Variants in TENM2 observed in about 807,000 individuals in gnomAD.
The protein encoded by TENM2 is teneurin transmembrane protein 2, also known as teneurin-2.
In TENM2, 52 loss-of-function variants were observed where a neutral mutation model predicts 245.2. The observed-to-expected ratio is 0.21, with a 90% confidence interval of 0.17 to 0.27. TENM2 has a LOEUF of 0.27. TENM2 is among the 10% of genes least tolerant of loss of function. The probability of loss-of-function intolerance (pLI) is 1.00; values close to 1 mark genes in which losing one functional copy is unlikely to be tolerated. For missense variants in TENM2, 3,046 were observed against 3,666.8 expected (o/e 0.83, Z 4.37); for synonymous variants, 1,363 against 1,438.9 (o/e 0.95, Z 1.19).
At chr5:167,479,979 A>T (rs1346439145) in intron 2 of TENM2, among the ~76,000 whole-genome samples, 1 of 152,204 alleles carries the variant, frequency 6.6e-6, no homozygotes, top group Non-Finnish European at 1.5e-5. Context: ...CCCGTCTGGG[A>T]ATGGTCCAGG....
chr5:167,065,163 G>T, the TENM2 span, among the ~76,000 whole-genome samples: 2 of 152,088 alleles, frequency 1.3e-5, no homozygotes, highest in East Asian at 1.9e-4. Context: ...GATTTTGAAT[G>T]TGTATCCCTC....
At chr5:167,867,879 G>T (rs1772462781) in intron 2 of TENM2, among the ~76,000 whole-genome samples, 1 of 152,160 alleles carries the variant, frequency 6.6e-6, no homozygotes, top group South Asian at 2.1e-4. Context: ...AATTAGACTT[G>T]CTTTGAGGAA....
chr5:167,838,206 T>G (rs1234129012), intron 2 of TENM2, among the ~76,000 whole-genome samples: 1 of 152,250 alleles, frequency 6.6e-6, no homozygotes, highest in Non-Finnish European at 1.5e-5. Flanking sequence ...AGTGAATATC[T>G]GATTACCTGG....
At chr5:167,694,575 C>G (rs1262589325) in intron 2 of TENM2, among the ~76,000 whole-genome samples, 1 of 152,188 alleles carries the variant, frequency 6.6e-6, no homozygotes, top group African/African-American at 2.4e-5. Context: ...AGCCTATCCA[C>G]TCTGTCATTT....
At chr5:168,135,540 C>A (rs1754977208) in intron 12 of TENM2, among the ~76,000 whole-genome samples, 1 of 152,102 alleles carries the variant, frequency 6.6e-6, no homozygotes, top group Non-Finnish European at 1.5e-5. Context: ...TAATCAGACC[C>A]ACAAAAGGTA....
chr5:167,571,591 A>C (rs1393223404), intron 2 of TENM2, among the ~76,000 whole-genome samples: 4 of 152,182 alleles, frequency 2.6e-5, no homozygotes, highest in Non-Finnish European at 5.9e-5. Flanking sequence ...CTCCTCACTA[A>C]GGAAGCGGTA....
intron 2 of TENM2, among the ~76,000 whole-genome samples, chr5:167,515,931 T>G (rs114400139): frequency 0.01 from 1,547 of 152,208 alleles, 35 homozygotes; most frequent in Non-Finnish European, 0.015. Context: ...GGAAATGTTA[T>G]GCATGTAAAA....
rs553007801 is a variant in TENM2 at position 167,431,860 on chromosome 5, G to A, written c.502+56387G>A. Among the ~76,000 whole-genome samples, 9 of 148,104 alleles carry A rather than the reference G, an allele frequency of 6.1e-5. No homozygotes were observed. The South Asian group carries it at 1.7e-3, about 28-fold the overall frequency. On this transcript the variant is annotated intron_variant, in intron 2 of 28. Transcript: ENST00000518659. ...AATTTTAATCATTTATGTATTTACA[G>A]TGAGAATCATTATGAATTTATGATT...
intron 1 of TENM2, among the ~76,000 whole-genome samples, chr5:167,309,553 C>T (rs541604560): frequency 1.4e-4 from 22 of 152,250 alleles, no homozygotes; most frequent in Non-Finnish European, 2.6e-4. Context: ...GCTGGAAAAA[C>T]CTCTGCTATG....
chr5:167,182,044 A>G, the TENM2 span, among the ~76,000 whole-genome samples: 5 of 152,198 alleles, frequency 3.3e-5, no homozygotes, highest in Non-Finnish European at 7.4e-5. Context: ...AAGATTTCAT[A>G]ATAACTAATA....
chr5:167,787,634 C>T (rs1345255428), intron 2 of TENM2, among the ~76,000 whole-genome samples: 1 of 152,220 alleles, frequency 6.6e-6, no homozygotes, highest in African/African-American at 2.4e-5. Flanking sequence ...CACCCTGTCA[C>T]TGAGTCTTAT....
chr5:167,276,435 C>T, the TENM2 span, among the ~76,000 whole-genome samples: 1 of 149,930 alleles, frequency 6.7e-6, no homozygotes, highest in Non-Finnish European at 1.5e-5. Context: ...TCAATTTCAT[C>T]AATAACTATA....
intron 12 of TENM2, among the ~76,000 whole-genome samples, chr5:168,131,520 T>C (rs536468536): frequency 2.6e-5 from 4 of 152,246 alleles, no homozygotes; most frequent in Admixed American, 2.6e-4. Flanking sequence ...GGAAAATGAA[T>C]CTTTACCCAA....
the TENM2 span, among the ~76,000 whole-genome samples, chr5:167,085,792 C>G: frequency 2.0e-5 from 3 of 152,090 alleles, no homozygotes; most frequent in African/African-American, 7.2e-5. Context: ...TGTTCAATGC[C>G]TATGTCAATA....
intron 1 of TENM2, among the ~76,000 whole-genome samples, chr5:167,304,185 G>A (rs1198432310): frequency 6.6e-6 from 1 of 152,192 alleles, no homozygotes; most frequent in Non-Finnish European, 1.5e-5. Flanking sequence ...ATAAGAAGCT[G>A]ATGATAAATG....
chr5:166,984,146 TAA>T, the TENM2 span, among the ~76,000 whole-genome samples: 3 of 152,144 alleles, frequency 2.0e-5, no homozygotes. Flanking sequence ...TTAAGTTATA[TAA>T]AAGGGAGTTA....
At chr5:167,459,976 T>C (rs374783609) in intron 2 of TENM2, among the ~76,000 whole-genome samples, 6 of 151,910 alleles carry the variant, frequency 3.9e-5, no homozygotes, top group South Asian at 2.1e-4. Context: ...CATATATATA[T>C]ACAAACATCA....
chr5:167,086,904 C>A, the TENM2 span, among the ~76,000 whole-genome samples: 760 of 146,382 alleles, frequency 5.2e-3, 7 homozygotes, highest in African/African-American at 0.018. Context: ...TTTTAATATC[C>A]TCTAGGAAAC....
intron 2 of TENM2, chr5:167,653,615 T>A (rs1276374613): frequency 6.6e-6 from 1 of 152,190 alleles, no homozygotes; most frequent in Admixed American, 6.6e-5. Context: ...AACTTTTATT[T>A]TTGCATCCCC....
Sources: gnomAD v4.1 joint callset for allele counts (sites outside exome capture counted in the v4.1 genomes callset) on GRCh38, gnomAD v4.1.1 for gene constraint, MANE v1.5 for transcripts, NCBI Gene and HGNC (gene_info 2026-07-23, HGNC 2026-07-21) for gene names.